The following TRPM7 variants were observed in gnomAD, a reference collection of about 807,000 sequenced individuals.
TRPM7 encodes the protein transient receptor potential cation channel subfamily M member 7.
A neutral mutation model predicts 229.7 loss-of-function variants in TRPM7; 134 were observed. The ratio of observed to expected loss-of-function variants is 0.58; its 90% CI spans 0.51 to 0.67. The LOEUF (loss-of-function observed/expected upper bound fraction) is 0.67, where lower values mean the gene tolerates loss of function less well. TRPM7 is among the 30% of genes least tolerant of loss of function. TRPM7 has a pLI of 0.00. For synonymous variants in TRPM7, 699 were observed against 715.2 expected (o/e 0.98, Z 0.36); for missense variants, 1,901 against 2,210.0 (o/e 0.86, Z 2.80).
intron 27 of TRPM7, chr15:50,588,289 T>C: frequency 1.0e-6 from 1 of 960,338 alleles, no homozygotes; most frequent in Non-Finnish European, 1.2e-6. Context: ...ATTCTCAAAC[T>C]TAAAGGCAAA....
At chr15:50,615,712 A>G (rs1174647626) in intron 13 of TRPM7, among the ~76,000 whole-genome samples, 1 of 152,058 alleles carries the variant, frequency 6.6e-6, no homozygotes, top group Non-Finnish European at 1.5e-5. Context: ...CCTAGCCAAC[A>G]TGGAGAATCC....
At position 50,589,219 on chromosome 15, in the gene TRPM7, G is replaced by A. The variant is rs143368364; in HGVS notation, c.4389+373C>T. The stretch of plus-strand genomic sequence containing the variant: ...CACCTGTAATCCCAGCTACTCAAGA[G>A]GCTGAGGCAGGAGAATCACTTGAAC... On this transcript the variant is annotated intron_variant, in intron 27 of 38. Transcript: ENST00000646667. Among the ~76,000 whole-genome samples, 625 of 151,466 alleles carry A rather than the reference G, an allele frequency of 4.1e-3. 5 individuals carry two copies. The highest frequency in any genetic ancestry group is 0.014 in the African/African-American group (584 of 41,320).
At chr15:50,613,885 G>T in intron 14 of TRPM7, 44 bp from the exon 15 acceptor site, 1 of 1,584,274 alleles carries the variant, frequency 6.3e-7, no homozygotes, top group South Asian at 1.2e-5. Flanking sequence ...TAAACGTGCT[G>T]ACATGTTATA....
intron 13 of TRPM7, among the ~76,000 whole-genome samples, 167 bp downstream of exon 13, chr15:50,619,578 T>C (rs1247210338): frequency 6.6e-6 from 1 of 152,142 alleles, no homozygotes; most frequent in Non-Finnish European, 1.5e-5. Context: ...CATTATGCTC[T>C]TTACTCCTCT....
At chr15:50,600,562 A>T (rs1029545332) in intron 21 of TRPM7, among the ~76,000 whole-genome samples, 6 of 152,240 alleles carry the variant, frequency 3.9e-5, no homozygotes, top group African/African-American at 1.4e-4. Flanking sequence ...AAGAGAATAC[A>T]TTTACAATAA....
intron 13 of TRPM7, among the ~76,000 whole-genome samples, chr15:50,617,631 CT>C (rs2060264907): frequency 6.6e-6 from 1 of 151,966 alleles, no homozygotes; most frequent in Non-Finnish European, 1.5e-5. Flanking sequence ...ATCCTCAAGG[CT>C]GTTAAAATGA....
rs2060835312 is a variant in TRPM7, at chr15:50,634,630, C to A, written c.833-74G>T. ...TTCTCTCCAAGAAAAAAAAATTAGGCAAAATTCAGTACTCTAATTTTAGAT... is the reference window on the plus strand; with the variant it reads ...TTCTCTCCAAGAAAAAAAAATTAGGAAAAATTCAGTACTCTAATTTTAGAT... On this transcript the variant is annotated intron_variant, in intron 7 of 38. Transcript: ENST00000646667. 5 of 1,093,426 alleles carry A rather than the reference C, an allele frequency of 4.6e-6. No individual in the cohort carries two copies. The East Asian group carries it at 1.3e-4, about 28-fold the overall frequency. The allele number at this position is 1,093,426 out of a possible 1,614,324, so 67.7% of individuals were successfully genotyped here.
At chr15:50,673,913 C>T (rs144952477) in intron 1 of TRPM7, among the ~76,000 whole-genome samples, 103 of 152,242 alleles carry the variant, frequency 6.8e-4, no homozygotes, top group Non-Finnish European at 1.3e-3. Context: ...ACCACATCCA[C>T]ATAAATGTCT....
At chr15:50,610,097 G>A in intron 17 of TRPM7, 136 bp from the exon 18 acceptor site, 4 of 623,418 alleles carry the variant, frequency 6.4e-6, no homozygotes, top group East Asian at 5.9e-5. Flanking sequence ...AGCAGTAGAG[G>A]GAAAAAAAAC....
chr15:50,589,741 A>C lies in TRPM7; in HGVS notation c.4325-85T>G. 5 of 872,170 alleles carry C rather than the reference A, an allele frequency of 5.7e-6. No homozygotes were observed. The Admixed American group carries it at 9.5e-5, about 17-fold the overall frequency. 54.0% of individuals were successfully genotyped at this position (872,170 alleles called of 1,614,324 possible). ...GGCACTGCTTAAAGTTTATAAAAAC[A>C]ATAGGTTTATGCTGTTTTTCAAGTA... On this transcript the variant is annotated intron_variant, in intron 26 of 38. Coordinates refer to ENST00000646667, the MANE Select transcript of TRPM7 (RefSeq NM_017672.6).
chr15:50,581,053 AATTT>A (rs570715074), intron 29 of TRPM7, 145 bp from the exon 30 acceptor site: 64 of 649,730 alleles, frequency 9.9e-5, no homozygotes, highest in East Asian at 4.6e-4. Flanking sequence ...TAAAACAATA[AATTT>A]ATTTATTATA....
chr15:50,587,209 TC>T (rs1176364162), intron 27 of TRPM7, among the ~76,000 whole-genome samples: 2 of 152,092 alleles, frequency 1.3e-5, no homozygotes, highest in Non-Finnish European at 2.9e-5. Flanking sequence ...TTGGTAACTT[TC>T]TTATTGCTTT....
intron 24 of TRPM7, among the ~76,000 whole-genome samples, chr15:50,594,134 T>C (rs1335847709): frequency 6.6e-6 from 1 of 152,176 alleles, no homozygotes; most frequent in Non-Finnish European, 1.5e-5. Flanking sequence ...TGTACTAAAA[T>C]TGTTATTGTT....
intron 13 of TRPM7, among the ~76,000 whole-genome samples, chr15:50,616,212 G>C (rs1016804222): frequency 6.6e-6 from 1 of 150,834 alleles, no homozygotes; most frequent in African/African-American, 2.4e-5. Flanking sequence ...ACTACACTAA[G>C]TCATAAAACT....
chr15:50,639,493 T>C lies in TRPM7; in HGVS notation c.591A>G (p.Arg197=), dbSNP rs775950946. 1.2e-6 allele frequency: 2 copies of C among 1,612,338 alleles called. No homozygotes were observed. The highest frequency in any genetic ancestry group is 1.7e-6 in the Non-Finnish European group (2 of 1,178,916). ...GAGCTATTCCGATAGTGCAAATCTT[T>C]CGAGATGATCTGGAAGCATGTTCTT... ...ALKEHASRSS[R]KICTIGIAPW... Residue 197 remains arginine (R), a synonymous_variant, in exon 6 of 39, where the codon CGA becomes CGG. Transcript: ENST00000646667.
intron 13 of TRPM7, among the ~76,000 whole-genome samples, chr15:50,614,481 G>A (rs932551022): frequency 6.6e-6 from 1 of 152,064 alleles, no homozygotes; most frequent in African/African-American, 2.4e-5. Context: ...TGACCAACAT[G>A]ATGAAACCCC....
At chr15:50,608,052 C>CAAAAAA (rs570861548) in intron 19 of TRPM7, among the ~76,000 whole-genome samples, 2 of 76,218 alleles carry the variant, frequency 2.6e-5, no homozygotes, top group South Asian at 5.0e-4. Flanking sequence ...GAGACTCTGT[C>CAAAAAA]AAAAAAAAAA....
At chr15:50,589,848 T>TTTTTCTG (rs2059439872) in intron 26 of TRPM7, among the ~76,000 whole-genome samples, 192 bp from the exon 27 acceptor site, 1 of 137,198 alleles carries the variant, frequency 7.3e-6, no homozygotes, top group Admixed American at 7.0e-5. Context: ...AGGTTACAGT[T>TTTTTCTG]TTTTTTGTTT....
intron 10 of TRPM7, among the ~76,000 whole-genome samples, chr15:50,629,749 G>A (rs915633098): frequency 6.6e-6 from 1 of 151,472 alleles, no homozygotes; most frequent in Non-Finnish European, 1.5e-5. Context: ...TAGGAAATCT[G>A]ACTTGTAGGA....
Sources: allele counts gnomAD v4.1 joint callset (sites outside exome capture counted in the v4.1 genomes callset), GRCh38; gene constraint gnomAD v4.1.1; transcripts MANE v1.5; gene names NCBI Gene and HGNC (gene_info 2026-07-23, HGNC 2026-07-21).